Variants in RCN2 observed in about 807,000 individuals in gnomAD.
RCN2 encodes reticulocalbin 2.
Under a neutral mutation model 37.5 loss-of-function variants are expected in RCN2, and 23 were observed. The ratio of observed to expected loss-of-function variants is 0.61; its 90% confidence interval spans 0.44 to 0.87. RCN2 has a LOEUF of 0.87. RCN2 is among the 40% of genes least tolerant of loss of function. RCN2 has a pLI of 0.00. For missense variants in RCN2, 381 were observed against 390.4 expected (o/e 0.98, Z 0.20); for synonymous variants, 140 against 144.6 (o/e 0.97, Z 0.23).
chr15:76,944,803 A>T (rs963257465), intron 4 of RCN2, among the ~76,000 whole-genome samples: 3 of 152,158 alleles, frequency 2.0e-5, no homozygotes, highest in Non-Finnish European at 4.4e-5. Flanking sequence ...GTTGCTTCCA[A>T]ATCTTGGCTT....
Position 76,932,439 on chromosome 15 carries a change from T to A in RCN2, c.223T>A (p.Leu75Met). Residue 75 changes from leucine to methionine, a missense_variant, in exon 2 of 7, where the codon TTG becomes ATG. Coordinates refer to ENST00000394885, the MANE Select transcript of RCN2 (RefSeq NM_002902.3). ...GCAGGCGATCATAAAGAAAATCGAC[T>A]TGGACTCAGATGGCTTTCTCACTGA... Reference protein sequence around the residue: ...RLQAIIKKIDLDSDGFLTESE... With the variant: ...RLQAIIKKIDMDSDGFLTESE... 3.1e-6 allele frequency: 5 copies of A among 1,610,692 alleles called. No homozygotes were observed. In the South Asian group the frequency reaches 5.5e-5, roughly 18 times the overall value.
In RCN2 at chr15:76,943,829, AT is replaced by A; in HGVS notation, c.522del (p.Phe174LeufsTer13). ...DSGPGLSLEE[F>X]IAFEHPEEVD... is the part of the protein sequence containing the mutation. The stretch of plus-strand genomic sequence containing the variant: ...CAGGTCCCGGTTTGAGTCTTGAAGA[AT>A]TTATTGCTTTTGAGCATCCTGAAGA... On this transcript the variant is annotated frameshift_variant, in exon 4 of 7. Transcript: ENST00000394885. 6.2e-7 allele frequency: 1 copy of A among 1,610,790 alleles called. No individual in the cohort carries two copies.
At chr15:76,938,166 G>C (rs1000696212) in intron 3 of RCN2, among the ~76,000 whole-genome samples, 12 of 152,144 alleles carry the variant, frequency 7.9e-5, no homozygotes, top group Non-Finnish European at 5.9e-5. Context: ...AGTCAAGGGT[G>C]CTTGGAAAAT....
Position 76,949,455 on chromosome 15 carries a change from AG to A in RCN2, c.*234del, listed in dbSNP as rs1394121850. On this transcript the variant is annotated 3_prime_UTR_variant, in exon 7 of 7. Transcript: ENST00000394885. Reference sequence around the variant, plus strand: ...TTAATATTGTGCCATATGACAACAAAGTCTTTCCTAAATACTCCATCTGTTT... The same window carrying A: ...TTAATATTGTGCCATATGACAACAAATCTTTCCTAAATACTCCATCTGTTT... 3.0e-6 allele frequency: 1 copy of A among 335,564 alleles called. No individual in the cohort carries two copies. Among genetic ancestry groups the A allele is most frequent in the East Asian group, 4.8e-5 (1 of 20,924 alleles). 20.8% of individuals were successfully genotyped at this position (335,564 alleles called of 1,614,324 possible). A position where few individuals can be genotyped will look rare whatever the true frequency, so the allele number is the denominator to read the frequency against.
At chr15:76,941,025 CTTTGTTTTTGTT>C (rs367549176) in intron 3 of RCN2, among the ~76,000 whole-genome samples, 14 of 151,848 alleles carry the variant, frequency 9.2e-5, no homozygotes, top group South Asian at 4.2e-4. Context: ...TTCAAGTGTT[CTTTGTTTTTGTT>C]TTTGTTTTTG....
intron 2 of RCN2, among the ~76,000 whole-genome samples, chr15:76,934,843 G>A (rs2075239918): frequency 6.6e-6 from 1 of 152,110 alleles, no homozygotes; most frequent in Non-Finnish European, 1.5e-5. Context: ...GTGGTAGTTA[G>A]CAAAGGTTTT....
intron 5 of RCN2, chr15:76,947,834 G>A (rs915388875): frequency 6.6e-5 from 17 of 258,498 alleles, no homozygotes; most frequent in Admixed American, 5.1e-4. Context: ...TGCTGTTGCA[G>A]GTGGATCTTA....
At chr15:76,947,798 G>C (rs989650550) in intron 5 of RCN2, 8 of 316,808 alleles carry the variant, frequency 2.5e-5, no homozygotes, top group Non-Finnish European at 4.0e-5. Flanking sequence ...AAGGAAGTAA[G>C]GTAGATATTT....
chr15:76,948,609 T>C lies in RCN2; in HGVS notation c.801+57T>C, dbSNP rs577778145. 1.5e-5 allele frequency: 21 copies of C among 1,445,508 alleles called. No homozygotes were observed. The African/African-American group carries it at 2.4e-4, about 17-fold the overall frequency. 89.5% of individuals were successfully genotyped at this position (1,445,508 alleles called of 1,614,324 possible). On this transcript the variant is annotated intron_variant, in intron 6 of 6. Transcript: ENST00000394885. ...CCCCCTCCCCCCGAATTTGGTGCTG[T>C]TGATAGGAAAAGAAGTTCAAAATCT...
chr15:76,951,650 C>CT lies in RCN2; in HGVS notation c.*2435dup, dbSNP rs1227286107. 1.3e-5 allele frequency: 2 copies of CT among 151,964 alleles called. No homozygotes were observed. The highest frequency in any genetic ancestry group is 1.9e-4 in the East Asian group (1 of 5,194). The allele number at this position is 151,964 out of a possible 1,614,324, so 9.4% of individuals were successfully genotyped here. Reference sequence around the variant, plus strand: ...TGAGTCAAAATAGAAAATTTTAAGGCTTTTTTTAGATTTGAATTTTAAATA... The same window carrying CT: ...TGAGTCAAAATAGAAAATTTTAAGGCTTTTTTTTAGATTTGAATTTTAAATA... On this transcript the variant is annotated 3_prime_UTR_variant, in exon 7 of 7. Transcript: ENST00000394885.
At position 76,953,991 on chromosome 15, in the gene RCN2, AC is replaced by A. The variant is rs2075337834; in HGVS notation, c.*4770del. Reference sequence around the variant, plus strand: ...CATTTTGCATTTCCACCAATAGTGCACAAGAGTTCCAGTTTCTTTACATCCT... The same window carrying A: ...CATTTTGCATTTCCACCAATAGTGCAAAGAGTTCCAGTTTCTTTACATCCT... On this transcript the variant is annotated 3_prime_UTR_variant, in exon 7 of 7. Transcript: ENST00000394885. 1 of 149,638 alleles carries A rather than the reference AC, an allele frequency of 6.7e-6. No homozygotes were observed. Among genetic ancestry groups the A allele is most frequent in the Admixed American group, 6.7e-5 (1 of 15,024 alleles). 9.3% of individuals were successfully genotyped at this position (149,638 alleles called of 1,614,324 possible).
chr15:76,943,936 AT>A, intron 4 of RCN2, 65 bp downstream of exon 4: 2 of 838,146 alleles, frequency 2.4e-6, no homozygotes, highest in Non-Finnish European at 3.8e-6. Flanking sequence ...TATATTTAAA[AT>A]TTTTGTGGGT....
chr15:76,941,924 T>C (rs2075278017), intron 3 of RCN2: 1 of 340,046 alleles, frequency 2.9e-6, no homozygotes, highest in Non-Finnish European at 5.3e-6. Flanking sequence ...TGAATAATGG[T>C]TTATTCAAAA....
In RCN2 at chr15:76,941,233, G is replaced by A. The variant is rs572888171; in HGVS notation, c.448-2525G>A. The stretch of plus-strand genomic sequence containing the variant: ...GTAGAGATGGGGTTTCACCATGTTG[G>A]CCAGGCTGGTCACGAACTCCTGACC... On this transcript the variant is annotated intron_variant, in intron 3 of 6. Coordinates refer to ENST00000394885, the MANE Select transcript of RCN2 (RefSeq NM_002902.3). 3.1e-4 allele frequency among the ~76,000 whole-genome samples: 47 copies of A among 152,114 alleles called. 2 individuals carry two copies. In the South Asian group the frequency reaches 8.3e-3, roughly 27 times the overall value.
chr15:76,935,114 GGAGTTA>G (rs2075241372), intron 2 of RCN2, among the ~76,000 whole-genome samples: 1 of 152,178 alleles, frequency 6.6e-6, no homozygotes, highest in African/African-American at 2.4e-5. Flanking sequence ...CACGAGGTCA[GGAGTTA>G]GAGACCAGCC....
rs997238701 is a variant in RCN2, at chr15:76,931,760, C to T, written c.-82C>T. The T allele has an allele frequency of 5.5e-6, 6 of 1,088,602 alleles. No homozygotes were observed. The highest frequency in any genetic ancestry group is 8.8e-5 in the South Asian group (2 of 22,628). 67.4% of individuals were successfully genotyped at this position (1,088,602 alleles called of 1,614,324 possible). A position where few individuals can be genotyped will look rare whatever the true frequency, so the allele number is the denominator to read the frequency against. On this transcript the variant is annotated 5_prime_UTR_variant, in exon 1 of 7. Coordinates refer to ENST00000394885, the MANE Select transcript of RCN2 (RefSeq NM_002902.3). ...GTACGTCGCACCGCCTCTCTGTAGC[C>T]GCCCGCGGAGCATCGCAGCCGGCCC...
In RCN2 at chr15:76,953,553, T is replaced by TTATATATATATA. The variant is rs1246807330; in HGVS notation, c.*4332_*4333insATATATATATAT. ...GTGGGATTGCTGGATCATATAGTAA[T>TTATATATATATA]TCTATATATATATATATATATATAT... is the stretch of plus-strand genomic sequence containing the variant. On this transcript the variant is annotated 3_prime_UTR_variant, in exon 7 of 7. Transcript: ENST00000394885. 5 of 77,528 alleles carry TTATATATATATA rather than the reference T, an allele frequency of 6.4e-5. No individual in the cohort carries two copies. Among genetic ancestry groups the TTATATATATATA allele is most frequent in the Non-Finnish European group, 9.5e-5 (4 of 42,220 alleles). 4.8% of individuals were successfully genotyped at this position (77,528 alleles called of 1,614,324 possible). A position where few individuals can be genotyped will look rare whatever the true frequency, so the allele number is the denominator to read the frequency against.
At chr15:76,947,587 A>G (rs2075301699) in intron 5 of RCN2, 70 bp downstream of exon 5, 2 of 971,786 alleles carry the variant, frequency 2.1e-6, no homozygotes, top group Admixed American at 2.1e-5. Flanking sequence ...AGCCTTGCTC[A>G]TTGAAAGCTC....
chr15:76,947,701 T>C, intron 5 of RCN2, 184 bp downstream of exon 5: 1 of 503,374 alleles, frequency 2.0e-6, no homozygotes, highest in Non-Finnish European at 3.5e-6. Flanking sequence ...GAGAACGCTG[T>C]CTTGCTTACT....
Sources: gnomAD v4.1 joint callset for allele counts (sites outside exome capture counted in the v4.1 genomes callset) on GRCh38, gnomAD v4.1.1 for gene constraint, MANE v1.5 for transcripts, NCBI Gene and HGNC (gene_info 2026-07-23, HGNC 2026-07-21) for gene names.